Variants in AGBL4 observed in about 807,000 individuals in gnomAD.
The protein encoded by AGBL4 is AGBL carboxypeptidase 4, also known as cytosolic carboxypeptidase 6.
AGBL4 carries 58 observed loss-of-function variants against 66.4 expected under a neutral mutation model. That is an observed-to-expected ratio of 0.87 (90% CI 0.71 to 1.09). AGBL4 has a LOEUF of 1.09. AGBL4 is among the 50% of genes least tolerant of loss of function. The probability of loss-of-function intolerance (pLI) is 0.00; values close to 1 mark genes in which losing one functional copy is unlikely to be tolerated. For synonymous variants in AGBL4, 234 were observed against 222.9 expected (o/e 1.05, Z -0.44); for missense variants, 579 against 631.0 (o/e 0.92, Z 0.88).
At chr1:49,334,503 G>A (rs572836678) in intron 3 of AGBL4, among the ~76,000 whole-genome samples, 4 of 152,240 alleles carry the variant, frequency 2.6e-5, no homozygotes, top group South Asian at 4.1e-4. Flanking sequence ...ATAATGGCAG[G>A]TACTAAGAAC....
chr1:49,036,408 G>A (rs1285269560), intron 5 of AGBL4, among the ~76,000 whole-genome samples: 19 of 152,016 alleles, frequency 1.2e-4, no homozygotes, highest in Non-Finnish European at 2.1e-4. Flanking sequence ...TAACAACCTA[G>A]ATCATGTCCA....
At chr1:49,849,378 T>A (rs1470351245) in intron 2 of AGBL4, among the ~76,000 whole-genome samples, 2 of 145,252 alleles carry the variant, frequency 1.4e-5, no homozygotes, top group African/African-American at 5.1e-5. Context: ...TTCTAAGATG[T>A]CCTCATTCAT....
chr1:49,118,907 C>T (rs1416066144), intron 4 of AGBL4, among the ~76,000 whole-genome samples: 6 of 152,088 alleles, frequency 3.9e-5, no homozygotes, highest in African/African-American at 1.2e-4. Flanking sequence ...GATTCAACTT[C>T]GTCTTGGTTT....
At chr1:48,624,783 A>G (rs1645471835) in intron 9 of AGBL4, among the ~76,000 whole-genome samples, 1 of 152,214 alleles carries the variant, frequency 6.6e-6, no homozygotes, top group Non-Finnish European at 1.5e-5. Flanking sequence ...GGTGGGTTCT[A>G]AAGAGTACGG....
At chr1:49,008,656 A>C (rs1304670546) in intron 5 of AGBL4, among the ~76,000 whole-genome samples, 2 of 134,996 alleles carry the variant, frequency 1.5e-5, no homozygotes, top group African/African-American at 2.8e-5. Flanking sequence ...ATGTAAAAGA[A>C]CAGAGATTAT....
At chr1:48,850,224 T>A (rs1025470931) in intron 6 of AGBL4, among the ~76,000 whole-genome samples, 6 of 152,216 alleles carry the variant, frequency 3.9e-5, no homozygotes, top group African/African-American at 1.4e-4. Context: ...GTAGTGATGA[T>A]CTGCTTGGCT....
At chr1:48,776,640 C>G (rs1239540077) in intron 6 of AGBL4, 17 of 1,482,628 alleles carry the variant, frequency 1.1e-5, no homozygotes, top group Non-Finnish European at 1.4e-5. Context: ...TGTGGAGCAA[C>G]AGCGCGCCCC....
At chr1:49,249,973 T>C (rs1442185622) in intron 3 of AGBL4, among the ~76,000 whole-genome samples, 2 of 152,160 alleles carry the variant, frequency 1.3e-5, no homozygotes, top group African/African-American at 2.4e-5. Context: ...AATCCAGGCA[T>C]AGAAAGATAA....
chr1:48,831,270 A>G (rs1646546125), intron 6 of AGBL4, among the ~76,000 whole-genome samples: 1 of 152,112 alleles, frequency 6.6e-6, no homozygotes, highest in South Asian at 2.1e-4. Flanking sequence ...TGGAAGAACT[A>G]AGTCCCTCTC....
intron 3 of AGBL4, among the ~76,000 whole-genome samples, chr1:49,416,271 G>A (rs1045868004): frequency 5.3e-5 from 8 of 152,038 alleles, no homozygotes; most frequent in South Asian, 2.1e-4. Flanking sequence ...GTGAATAGAC[G>A]TATACATTGT....
At chr1:48,975,096 T>A (rs1659209879) in intron 5 of AGBL4, among the ~76,000 whole-genome samples, 1 of 152,082 alleles carries the variant, frequency 6.6e-6, no homozygotes, top group South Asian at 2.1e-4. Context: ...ATAAATCTCA[T>A]AAAAATCCAG....
intron 2 of AGBL4, among the ~76,000 whole-genome samples, chr1:49,802,002 T>C (rs1448624587): frequency 6.6e-6 from 1 of 152,166 alleles, no homozygotes. Flanking sequence ...CCTGAAACTA[T>C]TGCTATGGAA....
chr1:49,943,731 A>G (rs1229264236), intron 1 of AGBL4, among the ~76,000 whole-genome samples: 1 of 151,920 alleles, frequency 6.6e-6, no homozygotes, highest in African/African-American at 2.4e-5. Context: ...GAAAAAAAAA[A>G]AAAACCTCCA....
At chr1:49,237,194 T>A (rs1011912508) in intron 4 of AGBL4, among the ~76,000 whole-genome samples, 2 of 149,734 alleles carry the variant, frequency 1.3e-5, no homozygotes, top group Non-Finnish European at 3.0e-5. Context: ...ACCTGGGAGG[T>A]GGAGCTTGCA....
intron 3 of AGBL4, among the ~76,000 whole-genome samples, chr1:49,271,516 GCACACACACACACACACACACA>G (rs57311875): frequency 5.5e-5 from 8 of 144,298 alleles, no homozygotes; most frequent in African/African-American, 2.0e-4. Flanking sequence ...TTAAAAGATA[GCACACACACACACACACACACA>G]CACACACACA....
intron 6 of AGBL4, among the ~76,000 whole-genome samples, chr1:48,837,709 CACTATATA>C (rs1558030094): frequency 1.3e-5 from 1 of 75,062 alleles, no homozygotes. Context: ...CACACACACA[CACTATATA>C]TATATATATA....
intron 3 of AGBL4, among the ~76,000 whole-genome samples, chr1:49,536,899 C>A (rs765622623): frequency 2.6e-5 from 4 of 151,642 alleles, no homozygotes; most frequent in African/African-American, 4.8e-5. Context: ...TGCCAGCCAT[C>A]GGGAGGCTGA....
chr1:49,287,074 C>G (rs1267299290), intron 3 of AGBL4, among the ~76,000 whole-genome samples: 2 of 147,282 alleles, frequency 1.4e-5, no homozygotes, highest in South Asian at 2.2e-4. Context: ...CTACAACTAT[C>G]TGATCTTTGA....
At chr1:48,524,984 G>A in the AGBL4 span, among the ~76,000 whole-genome samples, 32 of 152,110 alleles carry the variant, frequency 2.1e-4, no homozygotes, top group Non-Finnish European at 4.4e-4. Context: ...TGAACTTCTG[G>A]AGGGAGAGAG....
Sources: allele counts gnomAD v4.1 joint callset (sites outside exome capture counted in the v4.1 genomes callset), GRCh38; gene constraint gnomAD v4.1.1; transcripts MANE v1.5; gene names NCBI Gene and HGNC (gene_info 2026-07-23, HGNC 2026-07-21).